The following CMTM4 variants were observed in gnomAD, a reference collection of about 807,000 sequenced individuals.
CMTM4 encodes CKLF-like MARVEL transmembrane domain-containing protein 4.
In CMTM4, 8 loss-of-function variants were observed where a neutral mutation model predicts 19.0. The observed-to-expected ratio is 0.42, with a 90% confidence interval of 0.25 to 0.76. The LOEUF is 0.76. Among genes scored for constraint, CMTM4 ranks in the 30% least tolerant of loss-of-function variants. The pLI is 0.27. For synonymous variants in CMTM4, 106 were observed against 121.1 expected (o/e 0.88, Z 0.82); for missense variants, 228 against 290.2 (o/e 0.79, Z 1.56).
At chr16:66,613,319 A>AG, downstream of CMTM4, 1 of 588,456 alleles carries the variant, frequency 1.7e-6, no homozygotes, top group Non-Finnish European at 3.0e-6. Flanking sequence ...AAGAGCTCAT[A>AG]GACTGACTGG....
At chr16:66,672,345 C>T (rs1186255923) in intron 1 of CMTM4, among the ~76,000 whole-genome samples, 3 of 139,818 alleles carry the variant, frequency 2.1e-5, no homozygotes, top group Non-Finnish European at 4.6e-5. Flanking sequence ...ACGGAGGTTG[C>T]AATAAGCCGA....
At chr16:66,679,190 A>G (rs1193833140) in intron 1 of CMTM4, among the ~76,000 whole-genome samples, 1 of 152,154 alleles carries the variant, frequency 6.6e-6, no homozygotes, top group African/African-American at 2.4e-5. Context: ...CTAAGAAGTA[A>G]AGAAAAAAAT....
At chr16:66,635,694 C>T (rs1282383381) in intron 2 of CMTM4, among the ~76,000 whole-genome samples, 1 of 152,246 alleles carries the variant, frequency 6.6e-6, no homozygotes, top group Non-Finnish European at 1.5e-5. Flanking sequence ...TTACGTGGAT[C>T]TCCCTGACTG....
Position 66,620,608 on chromosome 16 carries a change from C to T in CMTM4, c.*1450G>A, listed in dbSNP as rs1403497727. ...GCCGCCCCCTCGGAGTTATTTATTACACAGTACGCTGCTAAAGCTGTCAAC... is the reference window on the plus strand; with the variant it reads ...GCCGCCCCCTCGGAGTTATTTATTATACAGTACGCTGCTAAAGCTGTCAAC... On this transcript the variant is annotated 3_prime_UTR_variant, in exon 4 of 4. Coordinates refer to ENST00000394106, the MANE Select transcript of CMTM4 (RefSeq NM_181521.3). 14 of 985,440 alleles carry T rather than the reference C, an allele frequency of 1.4e-5. 1 individual carries two copies. In the South Asian group the frequency reaches 4.7e-4, roughly 33 times the overall value. 61.0% of individuals were successfully genotyped at this position (985,440 alleles called of 1,614,324 possible). A position where few individuals can be genotyped will look rare whatever the true frequency, so the allele number is the denominator to read the frequency against.
chr16:66,649,134 T>A (rs1243221561), intron 1 of CMTM4, among the ~76,000 whole-genome samples: 1 of 152,124 alleles, frequency 6.6e-6, no homozygotes, highest in African/African-American at 2.4e-5. Flanking sequence ...GCCCAGGAGT[T>A]TGAGGCTGCC....
chr16:66,634,439 C>CA (rs1432266540), intron 2 of CMTM4, among the ~76,000 whole-genome samples: 9 of 131,728 alleles, frequency 6.8e-5, no homozygotes, highest in Non-Finnish European at 1.2e-4. Context: ...GACTCTGTCT[C>CA]AAAAAAACAA....
At chr16:66,643,318 T>C (rs2016131026) in intron 1 of CMTM4, among the ~76,000 whole-genome samples, 1 of 152,184 alleles carries the variant, frequency 6.6e-6, no homozygotes, top group Non-Finnish European at 1.5e-5. Flanking sequence ...TAAGCTACCG[T>C]AGCACTCCCA....
intron 1 of CMTM4, among the ~76,000 whole-genome samples, chr16:66,667,114 C>T (rs1200429832): frequency 1.3e-5 from 2 of 152,160 alleles, no homozygotes; most frequent in East Asian, 3.9e-4. Flanking sequence ...CACCTGAGGT[C>T]GGGAGGTCGA....
At chr16:66,671,469 A>C (rs1245094779) in intron 1 of CMTM4, among the ~76,000 whole-genome samples, 1 of 152,240 alleles carries the variant, frequency 6.6e-6, no homozygotes, top group African/African-American at 2.4e-5. Context: ...TGTGATGGAG[A>C]GAACAACAAT....
chr16:66,641,453 T>C (rs2016096500), intron 1 of CMTM4, among the ~76,000 whole-genome samples: 2 of 152,258 alleles, frequency 1.3e-5, no homozygotes, highest in South Asian at 2.1e-4. Flanking sequence ...TCATTACTCA[T>C]TGATTACAGG....
chr16:66,678,705 T>A (rs951025713), intron 1 of CMTM4, among the ~76,000 whole-genome samples: 9 of 152,254 alleles, frequency 5.9e-5, no homozygotes, highest in African/African-American at 2.2e-4. Context: ...TGTGTGTGCA[T>A]GTGTCTGCTC....
rs1361032155 is a variant in CMTM4, at chr16:66,647,881, G to A, written c.187-11300C>T. Reference sequence around the variant, plus strand: ...ATTAGACATCTGTGTGAGAGAAGTTGTGAAATCATTTGATAAAAGTGGTAT... The same window carrying A: ...ATTAGACATCTGTGTGAGAGAAGTTATGAAATCATTTGATAAAAGTGGTAT... On this transcript the variant is annotated intron_variant, in intron 1 of 3. Coordinates refer to ENST00000394106, the MANE Select transcript of CMTM4 (RefSeq NM_181521.3). Among the ~76,000 whole-genome samples the A allele has an allele frequency of 2.6e-5, 4 of 152,186 alleles. No homozygotes were observed. In the East Asian group the frequency reaches 7.7e-4, roughly 29 times the overall value.
chr16:66,667,904 A>C (rs903928848), intron 1 of CMTM4, among the ~76,000 whole-genome samples: 2 of 152,020 alleles, frequency 1.3e-5, no homozygotes, highest in Admixed American at 6.6e-5. Flanking sequence ...AAAAGTAGTT[A>C]CCATCTTTGG....
At chr16:66,692,193 C>A (rs1349270083) in intron 1 of CMTM4, among the ~76,000 whole-genome samples, 1 of 152,076 alleles carries the variant, frequency 6.6e-6, no homozygotes, top group Non-Finnish European at 1.5e-5. Context: ...CAGGTTCAAG[C>A]GCTTCTCCTG....
chr16:66,629,406 C>T (rs1209353409), intron 2 of CMTM4, among the ~76,000 whole-genome samples: 1 of 152,166 alleles, frequency 6.6e-6, no homozygotes, highest in Non-Finnish European at 1.5e-5. Context: ...TCATATCGCT[C>T]CCAGTGAATT....
chr16:66,603,292 T>A, the CMTM4 span, among the ~76,000 whole-genome samples: 1 of 152,114 alleles, frequency 6.6e-6, no homozygotes, highest in African/African-American at 2.4e-5. Flanking sequence ...TATTTATTTT[T>A]TTTTTTATTT....
chr16:66,612,137 G>A (rs544716740), downstream of CMTM4, among the ~76,000 whole-genome samples: 91 of 152,210 alleles, frequency 6.0e-4, no homozygotes, highest in Admixed American at 3.7e-3. The surrounding 1 kb of genome is among the most constrained non-coding windows in gnomAD (Gnocchi z 6.0). Context: ...TTCTGCGGCC[G>A]GGCACGGTGG....
intron 1 of CMTM4, among the ~76,000 whole-genome samples, chr16:66,691,528 C>T (rs2017134689): frequency 6.6e-6 from 1 of 152,090 alleles, no homozygotes; most frequent in Admixed American, 6.5e-5. Context: ...CAGGGAGACC[C>T]TATCTCTACA....
chr16:66,626,538 G>A (rs1282935726), intron 2 of CMTM4, among the ~76,000 whole-genome samples: 6 of 152,292 alleles, frequency 3.9e-5, no homozygotes, highest in East Asian at 1.9e-4. Flanking sequence ...GCCAGGGGGC[G>A]GAGATTGCAA....
Sources: gnomAD v4.1 joint callset for allele counts (sites outside exome capture counted in the v4.1 genomes callset) on GRCh38, gnomAD v4.1.1 for gene constraint, Gnocchi (gnomAD v3.1) non-coding constraint, MANE v1.5 for transcripts, NCBI Gene and HGNC (gene_info 2026-07-23, HGNC 2026-07-21) for gene names.